PCDHGA3: variants seen among roughly 807,000 people sequenced by gnomAD.
PCDHGA3 encodes the protein protocadherin gamma subfamily A, 3, also known as protocadherin gamma-A3.
Under a neutral mutation model 58.5 loss-of-function variants are expected in PCDHGA3, and 40 were observed. The observed-to-expected ratio is 0.68, with a 90% CI of 0.53 to 0.89. PCDHGA3 has a LOEUF of 0.89. PCDHGA3 is among the 40% of genes least tolerant of loss of function. The probability of loss-of-function intolerance (pLI) is 0.00; values close to 1 mark genes in which losing one functional copy is unlikely to be tolerated. For synonymous variants in PCDHGA3, 530 were observed against 525.7 expected, an observed-to-expected ratio of 1.01 and a Z score of -0.11; for missense variants, 1,223 against 1,195.9, an observed-to-expected ratio of 1.02 and a Z score of -0.33.
chr5:141,437,648 A>G (rs1291089695), intron 1 of PCDHGA3, among the ~76,000 whole-genome samples: 2 of 152,204 alleles, frequency 1.3e-5, no homozygotes, highest in African/African-American at 4.8e-5. Context: ...AGAAAAGCAA[A>G]CACATAGTTT....
chr5:141,401,940 A>T (rs1423719749), intron 1 of PCDHGA3, among the ~76,000 whole-genome samples: 1 of 152,236 alleles, frequency 6.6e-6, no homozygotes, highest in Non-Finnish European at 1.5e-5. Flanking sequence ...AATAATGTTT[A>T]AGACCACTTT....
chr5:141,421,530 C>T (rs377652360), intron 1 of PCDHGA3: 274 of 1,613,922 alleles, frequency 1.7e-4, no homozygotes, highest in Non-Finnish European at 2.3e-4. Flanking sequence ...AGACGGTGTC[C>T]TCCTGTTTTT....
rs769074023 is a variant in PCDHGA3, at chr5:141,491,738, G to A, written c.2425-3069G>A. ...GCGCCGCCCCGGGCGACCCCTGGGG[G>A]CGGCACTGGAGAAGCCGCCCGTCCT... On this transcript the variant is annotated intron_variant, in intron 1 of 3. Transcript: ENST00000253812. The surrounding 1 kb of genome is among the most constrained non-coding windows in gnomAD (Gnocchi z 6.9). 6.2e-7 allele frequency: 1 copy of A among 1,600,346 alleles called. No homozygotes were observed. The highest frequency in any genetic ancestry group is 8.5e-7 in the Non-Finnish European group (1 of 1,174,196).
At chr5:141,403,979 A>G in intron 1 of PCDHGA3, 1 of 1,613,932 alleles carries the variant, frequency 6.2e-7, no homozygotes, top group Non-Finnish European at 8.5e-7. Context: ...TGTAAATGAC[A>G]ATAGACCTGA....
At chr5:141,347,158 T>TCTTTCTTTCTTTCTTC (rs1346897553) in intron 1 of PCDHGA3, among the ~76,000 whole-genome samples, 1 of 140,116 alleles carries the variant, frequency 7.1e-6, no homozygotes, top group Non-Finnish European at 1.6e-5. Flanking sequence ...TTTCTTTCTT[T>TCTTTCTTTCTTTCTTC]CTTTCTTTCT....
intron 1 of PCDHGA3, among the ~76,000 whole-genome samples, chr5:141,444,770 C>A (rs1382748105): frequency 2.6e-5 from 4 of 152,078 alleles, no homozygotes; most frequent in African/African-American, 9.7e-5. Context: ...TTTCTATATT[C>A]TTGATCATGT....
chr5:141,405,215 C>T, intron 1 of PCDHGA3: 1 of 1,614,078 alleles, frequency 6.2e-7, no homozygotes, highest in Non-Finnish European at 8.5e-7. Flanking sequence ...GACCTATTCT[C>T]AGGAGTTCTC....
intron 1 of PCDHGA3, among the ~76,000 whole-genome samples, chr5:141,479,878 A>G (rs1033313584): frequency 2.0e-5 from 3 of 152,170 alleles, no homozygotes; most frequent in African/African-American, 7.2e-5. Context: ...AGAACCCTAT[A>G]CATACTCTCA....
At chr5:141,420,386 AT>A (rs2096493306) in intron 1 of PCDHGA3, 1 of 1,284,798 alleles carries the variant, frequency 7.8e-7, no homozygotes, top group African/African-American at 1.5e-5. Flanking sequence ...AGTTCGCAAA[AT>A]ATAGGTCAAA....
rs138087785 is a variant in PCDHGA3, at chr5:141,383,992, G to T, written c.2424+37535G>T. 9.8e-5 allele frequency: 158 copies of T among 1,613,878 alleles called. No homozygotes were observed. The East Asian group carries it at 3.5e-3, about 35-fold the overall frequency. On this transcript the variant is annotated intron_variant, in intron 1 of 3. Coordinates refer to ENST00000253812, the MANE Select transcript of PCDHGA3 (RefSeq NM_018916.4). Reference sequence around the variant, plus strand: ...CCCTGAAGACACACCTCTTGGGACAGTCATTGCTCTTTTCTACCTACAAGA... The same window carrying T: ...CCCTGAAGACACACCTCTTGGGACATTCATTGCTCTTTTCTACCTACAAGA...
chr5:141,463,535 G>A (rs1178825067), intron 1 of PCDHGA3, among the ~76,000 whole-genome samples: 4 of 137,928 alleles, frequency 2.9e-5, no homozygotes, highest in East Asian at 2.3e-4. Context: ...TAGAAACTCC[G>A]GCTCCCGGGT....
intron 1 of PCDHGA3, chr5:141,376,398 A>C (rs1266114748): frequency 6.2e-7 from 1 of 1,614,080 alleles, no homozygotes; most frequent in Admixed American, 1.7e-5. Context: ...ATTTTCCCCC[A>C]GCCCAACTAT....
At position 141,444,152 on chromosome 5, in the gene PCDHGA3, A is replaced by ATT. The variant is rs747671382; in HGVS notation, c.2425-50620_2425-50619dup. ...GATATGTGTCACTTGTGTGTACTGG[A>ATT]TTTTTTTTTTTTTTTTTTTTTTTTT... On this transcript the variant is annotated intron_variant, in intron 1 of 3. Coordinates refer to ENST00000253812, the MANE Select transcript of PCDHGA3 (RefSeq NM_018916.4). Among the ~76,000 whole-genome samples, 286 of 33,894 alleles carry ATT rather than the reference A, an allele frequency of 8.4e-3. 107 individuals carry two copies. The highest frequency in any genetic ancestry group is 0.011 in the African/African-American group (76 of 7,180). The allele number at this position is 33,894 out of a possible 152,430, so 22.2% of individuals were successfully genotyped here. A position where few individuals can be genotyped will look rare whatever the true frequency, so the allele number is the denominator to read the frequency against.
intron 1 of PCDHGA3, chr5:141,356,107 A>C: frequency 6.2e-7 from 1 of 1,613,872 alleles, no homozygotes; most frequent in Non-Finnish European, 8.5e-7. Flanking sequence ...GGATATAACA[A>C]TATTGGGGGG....
At chr5:141,407,703 G>T (rs1016806853) in intron 1 of PCDHGA3, among the ~76,000 whole-genome samples, 1 of 152,096 alleles carries the variant, frequency 6.6e-6, no homozygotes, top group Admixed American at 6.6e-5. Context: ...ATTGTTGAAG[G>T]TGGGGTGATG....
chr5:141,502,785 A>G (rs576095718), intron 2 of PCDHGA3, among the ~76,000 whole-genome samples: 2 of 150,900 alleles, frequency 1.3e-5, no homozygotes, highest in East Asian at 3.9e-4. Context: ...AATTACCTGG[A>G]TGATTTCTTC....
In PCDHGA3 at chr5:141,344,071, T is replaced by C. The variant is rs1402188187; in HGVS notation, c.38T>C (p.Leu13Pro). Residue 13 changes from leucine (L) to proline (P), a missense_variant, in exon 1 of 4, where the codon CTG (leucine) becomes CCG (proline). Transcript: ENST00000253812. ...CTGAGTTTCCGAAATGGCAGAGGAC[T>C]GGCCCTGCTGTGCGCGCTCCTGGGG... is the stretch of plus-strand genomic sequence containing the variant. Reference protein sequence around the residue: ...NCLSFRNGRGLALLCALLGTL... With the variant: ...NCLSFRNGRGPALLCALLGTL... 2 of 1,601,178 alleles carry C rather than the reference T, an allele frequency of 1.2e-6. No individual in the cohort carries two copies. Among genetic ancestry groups the C allele is most frequent in the Non-Finnish European group, 1.7e-6 (2 of 1,172,878 alleles).
intron 1 of PCDHGA3, chr5:141,370,958 CA>C (rs1167381959): frequency 6.2e-7 from 1 of 1,613,874 alleles, no homozygotes. Context: ...ACCTGGATGG[CA>C]GTAGGTACCC....
At chr5:141,430,206 TTATTA>T (rs1267858049) in intron 1 of PCDHGA3, among the ~76,000 whole-genome samples, 2 of 151,984 alleles carry the variant, frequency 1.3e-5, no homozygotes, top group African/African-American at 4.8e-5. Flanking sequence ...AAAGTTTAAA[TTATTA>T]TATTATATGA....
Sources: gnomAD v4.1 joint callset for allele counts (sites outside exome capture counted in the v4.1 genomes callset) on GRCh38, gnomAD v4.1.1 for gene constraint, Gnocchi (gnomAD v3.1) non-coding constraint, MANE v1.5 for transcripts, NCBI Gene and HGNC (gene_info 2026-07-23, HGNC 2026-07-21) for gene names.